The following ANP32B variants were observed in gnomAD, a reference collection of about 807,000 sequenced individuals.
The protein encoded by ANP32B is acidic nuclear phosphoprotein 32 family member B, also known as acidic leucine-rich nuclear phosphoprotein 32 family member B.
A neutral mutation model predicts 32.2 loss-of-function variants in ANP32B; 6 were observed. The ratio of observed to expected loss-of-function variants is 0.19; its 90% CI spans 0.10 to 0.37. The LOEUF (loss-of-function observed/expected upper bound fraction) is 0.37. Among genes scored for constraint, ANP32B ranks in the 10% least tolerant of loss-of-function variants. The pLI is 1.00. For missense variants in ANP32B, 204 were observed against 289.2 expected (o/e 0.71, Z 2.14); for synonymous variants, 98 against 105.8 (o/e 0.93, Z 0.45).
intron 4 of ANP32B, among the ~76,000 whole-genome samples, chr9:98,008,674 G>C (rs150574609): frequency 7.8e-4 from 119 of 152,290 alleles, no homozygotes; most frequent in African/African-American, 2.8e-3. Context: ...AGATTATGGA[G>C]TATACTGGAC....
At chr9:97,985,076 C>G (rs552776215) in intron 1 of ANP32B, among the ~76,000 whole-genome samples, 8 of 150,192 alleles carry the variant, frequency 5.3e-5, no homozygotes, top group Admixed American at 2.6e-4. Context: ...GCCCCCCCCC[C>G]GCCGCGGACC....
chr9:98,001,987 A>G (rs750410896), intron 3 of ANP32B, among the ~76,000 whole-genome samples: 31 of 152,240 alleles, frequency 2.0e-4, no homozygotes, highest in Admixed American at 9.2e-4. Flanking sequence ...AGGGCTACAC[A>G]CCAGAGCTAT....
At chr9:97,984,976 T>C (rs1209099622) in intron 1 of ANP32B, among the ~76,000 whole-genome samples, 6 of 150,680 alleles carry the variant, frequency 4.0e-5, no homozygotes, top group African/African-American at 1.5e-4. Context: ...AGGGCGGCCC[T>C]CTTGCGGCGC....
At chr9:97,986,395 G>A (rs1385267013) in intron 1 of ANP32B, among the ~76,000 whole-genome samples, 1 of 152,228 alleles carries the variant, frequency 6.6e-6, no homozygotes, top group African/African-American at 2.4e-5. Flanking sequence ...TGTTGTGGGA[G>A]CCAGCTAAGA....
intron 3 of ANP32B, 114 bp downstream of exon 3, chr9:97,998,792 T>G (rs1198437555): frequency 3.6e-5 from 3 of 83,468 alleles, no homozygotes; most frequent in Non-Finnish European, 1.8e-5. Flanking sequence ...TGGTGGCTTT[T>G]TTTTTTTTTT....
rs2131594619 is a variant in ANP32B at position 98,015,506 on chromosome 9, A to G, written c.*75A>G. 1 of 1,490,160 alleles carries G rather than the reference A, an allele frequency of 6.7e-7. No homozygotes were observed. The highest frequency in any genetic ancestry group is 8.9e-7 in the Non-Finnish European group (1 of 1,118,826). 92.3% of individuals were successfully genotyped at this position (1,490,160 alleles called of 1,614,324 possible). A position where few individuals can be genotyped will look rare whatever the true frequency, so the allele number is the denominator to read the frequency against. On this transcript the variant is annotated 3_prime_UTR_variant, in exon 7 of 7. Transcript: ENST00000339399. ...CTCATGGATTTTGTAGCTGTTTAAA[A>G]AAAAAAAAAAGGTAGCTGTGATACA...
At chr9:97,987,759 A>T (rs1193350287) in intron 1 of ANP32B, 1 of 152,198 alleles carries the variant, frequency 6.6e-6, no homozygotes, top group African/African-American at 2.4e-5. Flanking sequence ...GTCTTTACGT[A>T]GTCCCAATTT....
chr9:98,009,574 T>C (rs931480625), intron 4 of ANP32B, among the ~76,000 whole-genome samples: 1 of 152,234 alleles, frequency 6.6e-6, no homozygotes, highest in African/African-American at 2.4e-5. Flanking sequence ...CAGTTCACAA[T>C]AGAATTTGCA....
intron 1 of ANP32B, among the ~76,000 whole-genome samples, chr9:97,984,234 A>AGCGGGGGAGGG (rs1827658712): frequency 6.7e-6 from 1 of 149,126 alleles, no homozygotes; most frequent in African/African-American, 2.5e-5. Flanking sequence ...CGGCGCGCGG[A>AGCGGGGGAGGG]GCGGGGGAGG....
chr9:97,993,445 G>A (rs1372604365), intron 1 of ANP32B, among the ~76,000 whole-genome samples: 1 of 152,072 alleles, frequency 6.6e-6, no homozygotes, highest in African/African-American at 2.4e-5. Flanking sequence ...TATTAAATAT[G>A]GTAGGTTCAC....
At chr9:98,000,244 G>A (rs1262847148) in intron 3 of ANP32B, among the ~76,000 whole-genome samples, 1 of 152,154 alleles carries the variant, frequency 6.6e-6, no homozygotes, top group East Asian at 1.9e-4. Context: ...CTCCCAAAGT[G>A]TTTGGGACTA....
In ANP32B at chr9:98,015,380, G is replaced by A; in HGVS notation, c.705G>A (p.Gly235=). 2.6e-6 allele frequency: 4 copies of A among 1,550,868 alleles called. No homozygotes were observed. In the South Asian group the frequency reaches 4.8e-5, roughly 18 times the overall value. ...EDEDEEEEEG[G]KGEKRKRETD... is the part of the protein sequence containing the mutation. ...ACTGTACAGAGGAGGAAGAAGGTGG[G>A]AAAGGTGAAAAGAGGAAGAGAGAAA... Residue 235 remains glycine (G), a synonymous_variant, in exon 7 of 7, where the codon GGG becomes GGA. Transcript: ENST00000339399.
intron 1 of ANP32B, among the ~76,000 whole-genome samples, chr9:97,985,892 G>A (rs1042207877): frequency 9.9e-5 from 15 of 152,064 alleles, no homozygotes; most frequent in African/African-American, 3.6e-4. Context: ...CACTATCTCG[G>A]CTCACCTCAG....
rs1587883996 is a variant in ANP32B, at chr9:98,015,620, A to G, written c.*189A>G. The G allele has an allele frequency of 1.5e-6, 2 of 1,307,092 alleles. No individual in the cohort carries two copies. The highest frequency in any genetic ancestry group is 2.0e-6 in the Non-Finnish European group (2 of 1,020,306). The allele number at this position is 1,307,092 out of a possible 1,614,324, so 81.0% of individuals were successfully genotyped here. The stretch of plus-strand genomic sequence containing the variant: ...TCCATGTAGTCCCTCTTGGTAATCT[A>G]CCACCAAGCTTGTGGACTTCACCCC... On this transcript the variant is annotated 3_prime_UTR_variant, in exon 7 of 7. Coordinates refer to ENST00000339399, the MANE Select transcript of ANP32B (RefSeq NM_006401.3).
chr9:98,014,363 A>C (rs1587883249), intron 6 of ANP32B, among the ~76,000 whole-genome samples: 1 of 151,678 alleles, frequency 6.6e-6, no homozygotes, highest in Non-Finnish European at 1.5e-5. Flanking sequence ...AGCCGAGATC[A>C]AGCCACTGCA....
chr9:97,984,352 C>G (rs1165541388), intron 1 of ANP32B, among the ~76,000 whole-genome samples: 1 of 151,390 alleles, frequency 6.6e-6, no homozygotes, highest in Admixed American at 6.6e-5. Flanking sequence ...AAAACTTTCT[C>G]CCCCGTTCTC....
At chr9:98,006,464 A>ACT (rs56326117) in intron 4 of ANP32B, among the ~76,000 whole-genome samples, 113,917 of 151,942 alleles carry the variant, frequency 0.75, 44,206 homozygotes, top group East Asian at 1. Context: ...CCACAAGCTA[A>ACT]CTATCCAACA....
chr9:98,005,065 C>G lies in ANP32B; in HGVS notation c.429C>G (p.Thr143=), dbSNP rs763329581. ...TCTTCAAGCTCCTGCCCCAGCTTAC[C>G]TACTTGGATGGCTATGACCGAGAGG... The part of the protein sequence containing the change: ...ESVFKLLPQL[T]YLDGYDREDQ... The change falls in exon 4 of 7, where the codon ACC becomes ACG. Residue 143 remains threonine, a synonymous_variant. Coordinates refer to ENST00000339399, the MANE Select transcript of ANP32B (RefSeq NM_006401.3). 8.7e-6 allele frequency: 14 copies of G among 1,613,816 alleles called. No individual in the cohort carries two copies. The highest frequency in any genetic ancestry group is 1.2e-5 in the Non-Finnish European group (14 of 1,179,978).
intron 5 of ANP32B, among the ~76,000 whole-genome samples, chr9:98,012,185 T>C (rs1828196825): frequency 6.6e-6 from 1 of 152,068 alleles, no homozygotes. Context: ...TAATTAAACA[T>C]CTAGCAAATG....
Sources: allele counts gnomAD v4.1 joint callset (sites outside exome capture counted in the v4.1 genomes callset), GRCh38; gene constraint gnomAD v4.1.1; transcripts MANE v1.5; gene names NCBI Gene and HGNC (gene_info 2026-07-23, HGNC 2026-07-21).